Variants in SAMD5 observed in about 807,000 individuals in gnomAD.
SAMD5 encodes sterile alpha motif domain containing 5.
In SAMD5, 13 loss-of-function variants were observed where a neutral mutation model predicts 11.3. The observed-to-expected ratio is 1.15, with a 90% CI of 0.75 to 1.83. The LOEUF is 1.83. Ranked by LOEUF, SAMD5 falls within the 40% of genes most tolerant of loss-of-function variation. The pLI is 0.00. For synonymous variants in SAMD5, 129 were observed against 111.3 expected (o/e 1.16, Z -1.00); for missense variants, 255 against 239.1 (o/e 1.07, Z -0.44).
At chr6:147,778,541 A>C in the SAMD5 span, among the ~76,000 whole-genome samples, 1 of 152,134 alleles carries the variant, frequency 6.6e-6, no homozygotes, top group Non-Finnish European at 1.5e-5. Flanking sequence ...CTCAGGCTCC[A>C]AACCTTGGAT....
intron 1 of SAMD5, among the ~76,000 whole-genome samples, chr6:147,711,000 G>A (rs1283763511): frequency 6.6e-6 from 1 of 150,716 alleles, no homozygotes; most frequent in Non-Finnish European, 1.5e-5. Flanking sequence ...GGGAGGGAAG[G>A]AAAATAAAGG....
At chr6:147,668,352 T>G (rs926017259) in intron 1 of SAMD5, among the ~76,000 whole-genome samples, 4 of 152,350 alleles carry the variant, frequency 2.6e-5, no homozygotes, top group African/African-American at 9.6e-5. Flanking sequence ...TCTACCACAT[T>G]GATTTCATGG....
the SAMD5 span, among the ~76,000 whole-genome samples, chr6:147,745,479 T>C: frequency 1.3e-5 from 2 of 152,210 alleles, no homozygotes; most frequent in Non-Finnish European, 2.9e-5. Flanking sequence ...CCGATTATTA[T>C]ACCCGTTTAA....
intron 1 of SAMD5, among the ~76,000 whole-genome samples, chr6:147,523,279 T>C (rs1009213748): frequency 6.6e-6 from 1 of 152,170 alleles, no homozygotes; most frequent in Non-Finnish European, 1.5e-5. Context: ...AAATTGAAAA[T>C]TCTACAAGAA....
intron 1 of SAMD5, among the ~76,000 whole-genome samples, chr6:147,555,102 G>A (rs894690305): frequency 6.6e-6 from 1 of 152,176 alleles, no homozygotes; most frequent in Non-Finnish European, 1.5e-5. Context: ...CCTTAAAATA[G>A]CCTTGATGAA....
chr6:147,902,703 C>T, the SAMD5 span, among the ~76,000 whole-genome samples: 1 of 152,128 alleles, frequency 6.6e-6, no homozygotes, highest in Non-Finnish European at 1.5e-5. Flanking sequence ...TCTTACTCAC[C>T]ATCCTGACCT....
chr6:147,948,094 G>C, the SAMD5 span, among the ~76,000 whole-genome samples: 1 of 151,934 alleles, frequency 6.6e-6, no homozygotes, highest in African/African-American at 2.4e-5. Flanking sequence ...TTTTTATTAA[G>C]CTACTGAAAC....
chr6:147,521,868 C>CT (rs147060334), intron 1 of SAMD5, among the ~76,000 whole-genome samples: 44,773 of 151,854 alleles, frequency 0.29, 6,890 homozygotes, highest in African/African-American at 0.38. Context: ...AGAACGACAA[C>CT]TTTTTTTACT....
intron 1 of SAMD5, among the ~76,000 whole-genome samples, chr6:147,536,732 A>G (rs1427056530): frequency 2.0e-5 from 3 of 152,102 alleles, no homozygotes; most frequent in African/African-American, 7.2e-5. Context: ...ATTTTACATA[A>G]TTATAATTAT....
At chr6:147,643,735 G>A (rs956573361) in intron 1 of SAMD5, among the ~76,000 whole-genome samples, 3 of 102,070 alleles carry the variant, frequency 2.9e-5, no homozygotes. Flanking sequence ...AAGAGAAAGA[G>A]GGAAGGAAAG....
At chr6:147,850,125 A>G in the SAMD5 span, among the ~76,000 whole-genome samples, 1 of 152,222 alleles carries the variant, frequency 6.6e-6, no homozygotes, top group Non-Finnish European at 1.5e-5. Flanking sequence ...AGTGTCATGA[A>G]TGCTGTTTAA....
chr6:147,926,234 C>T, the SAMD5 span, among the ~76,000 whole-genome samples: 1 of 152,186 alleles, frequency 6.6e-6, no homozygotes, highest in African/African-American at 2.4e-5. Flanking sequence ...AGTGGTAGCT[C>T]TGTTTTTAGC....
intron 1 of SAMD5, among the ~76,000 whole-genome samples, chr6:147,609,750 G>A (rs1789754475): frequency 6.6e-6 from 1 of 151,662 alleles, no homozygotes; most frequent in Non-Finnish European, 1.5e-5. Context: ...TAGAAACAGG[G>A]TTTCACCATG....
the SAMD5 span, among the ~76,000 whole-genome samples, chr6:147,896,825 CA>C: frequency 1.3e-5 from 2 of 149,908 alleles, no homozygotes; most frequent in Admixed American, 6.7e-5. Context: ...CATTATTCTC[CA>C]AGTCTTCATA....
At chr6:147,883,911 C>T in the SAMD5 span, among the ~76,000 whole-genome samples, 1 of 152,142 alleles carries the variant, frequency 6.6e-6, no homozygotes, top group African/African-American at 2.4e-5. Flanking sequence ...TTATTAAATG[C>T]CCTAAATTAA....
chr6:147,797,982 C>T, the SAMD5 span, among the ~76,000 whole-genome samples: 1 of 151,386 alleles, frequency 6.6e-6, no homozygotes, highest in African/African-American at 2.4e-5. Context: ...GTCTTGCTAG[C>T]AGTCTATCAA....
At chr6:147,818,394 T>C in the SAMD5 span, among the ~76,000 whole-genome samples, 2 of 152,228 alleles carry the variant, frequency 1.3e-5, no homozygotes, top group African/African-American at 4.8e-5. Context: ...TGCAGGCACA[T>C]ACATGTGTCA....
intron 1 of SAMD5, among the ~76,000 whole-genome samples, chr6:147,677,967 GAT>G (rs1790889303): frequency 1.3e-5 from 2 of 152,140 alleles, no homozygotes; most frequent in Admixed American, 1.3e-4. Context: ...ATGTAGAAAA[GAT>G]AAAGAATGGT....
At chr6:147,631,116 A>G (rs540594797) in intron 1 of SAMD5, among the ~76,000 whole-genome samples, 73 of 152,210 alleles carry the variant, frequency 4.8e-4, no homozygotes, top group Non-Finnish European at 8.5e-4. Context: ...CTAGAGTGGG[A>G]GAGATTAAGC....
Sources: allele counts gnomAD v4.1 joint callset (sites outside exome capture counted in the v4.1 genomes callset), GRCh38; gene constraint gnomAD v4.1.1; transcripts MANE v1.5; gene names NCBI Gene and HGNC (gene_info 2026-07-23, HGNC 2026-07-21).